The following PDE7A variants were observed in gnomAD, a reference collection of about 807,000 sequenced individuals.
PDE7A encodes the protein phosphodiesterase 7A.
In PDE7A, 39 loss-of-function variants were observed where a neutral mutation model predicts 64.3. The observed-to-expected ratio is 0.61, with a 90% CI of 0.47 to 0.79. The LOEUF is 0.79. Ranked by LOEUF, PDE7A falls within the 30% of genes least tolerant of loss-of-function variation. The pLI, the probability that PDE7A is intolerant of heterozygous loss-of-function variation, is 0.00. For synonymous variants in PDE7A, 203 were observed against 206.8 expected, an observed-to-expected ratio of 0.98 and a Z score of 0.16; for missense variants, 470 against 582.8, an observed-to-expected ratio of 0.81 and a Z score of 1.99.
chr8:65,775,604 C>T (rs572761213), intron 3 of PDE7A, among the ~76,000 whole-genome samples: 20 of 152,282 alleles, frequency 1.3e-4, no homozygotes, highest in Non-Finnish European at 2.4e-4. Context: ...AGTGATCCTA[C>T]GTCCTCTGTC....
chr8:65,741,364 TATA>T (rs1214956532), intron 5 of PDE7A, among the ~76,000 whole-genome samples: 1 of 152,178 alleles, frequency 6.6e-6, no homozygotes, highest in Non-Finnish European at 1.5e-5. Context: ...ATTGAAAATT[TATA>T]ATAATAATAT....
intron 5 of PDE7A, among the ~76,000 whole-genome samples, chr8:65,740,144 G>A (rs1807344317): frequency 7.2e-6 from 1 of 138,580 alleles, no homozygotes; most frequent in South Asian, 2.7e-4. Flanking sequence ...TTCCAGAGTA[G>A]CTGCAGAAAA....
chr8:65,765,279 G>A (rs1808712265), intron 3 of PDE7A, among the ~76,000 whole-genome samples: 1 of 151,576 alleles, frequency 6.6e-6, no homozygotes, highest in Non-Finnish European at 1.5e-5. Flanking sequence ...CACGAGGTCA[G>A]GAGATCGAGA....
In PDE7A at chr8:65,814,802, C is replaced by G. The variant is rs147114302; in HGVS notation, c.138+26569G>C. Among the ~76,000 whole-genome samples, 892 of 152,162 alleles carry G rather than the reference C, an allele frequency of 5.9e-3. 9 individuals carry two copies. Among genetic ancestry groups the G allele is most frequent in the African/African-American group, 0.02 (843 of 41,530 alleles). On this transcript the variant is annotated intron_variant, in intron 1 of 12. Coordinates refer to ENST00000401827, the MANE Select transcript of PDE7A (RefSeq NM_001242318.3). ...GACAGATCACCTGAGGTCAGGAGATCGAGACCAGCCTGACCAACATGTAAT... is the reference window on the plus strand; with the variant it reads ...GACAGATCACCTGAGGTCAGGAGATGGAGACCAGCCTGACCAACATGTAAT...
chr8:65,735,110 T>C (rs76161786), intron 6 of PDE7A, among the ~76,000 whole-genome samples: 150 of 152,254 alleles, frequency 9.9e-4, no homozygotes, highest in African/African-American at 3.4e-3. Context: ...ACGAACAGAC[T>C]AGGCTTCGGG....
chr8:65,841,391 T>TG lies in PDE7A; in HGVS notation c.117dup (p.Asn40GlnfsTer15). 1 of 1,559,696 alleles carries TG rather than the reference T, an allele frequency of 6.4e-7. No homozygotes were observed. The highest frequency in any genetic ancestry group is 8.6e-7 in the Non-Finnish European group (1 of 1,157,670). ...ATTACCTGAGAGAGCTGCCGGGGAT[T>TG]GGGGCAGCCGAAGAGAGCGGAGCTG... is the stretch of plus-strand genomic sequence containing the variant. On this transcript the variant is annotated frameshift_variant, in exon 1 of 13. Transcript: ENST00000401827. LOFTEE classifies it high-confidence loss of function.
chr8:65,830,397 C>A (rs1810787884), intron 1 of PDE7A, among the ~76,000 whole-genome samples: 1 of 151,950 alleles, frequency 6.6e-6, no homozygotes, highest in Non-Finnish European at 1.5e-5. Context: ...ATGCATACAA[C>A]CTAGAAGAAT....
At chr8:65,798,752 G>A (rs192697861) in intron 1 of PDE7A, among the ~76,000 whole-genome samples, 8 of 152,164 alleles carry the variant, frequency 5.3e-5, no homozygotes, top group Non-Finnish European at 8.8e-5. Context: ...CAATTAGAAC[G>A]CTCATGCTAA....
intron 1 of PDE7A, among the ~76,000 whole-genome samples, chr8:65,840,537 A>G (rs1330863237): frequency 4.6e-5 from 7 of 152,256 alleles, no homozygotes; most frequent in African/African-American, 1.7e-4. Context: ...ATCATTAGCC[A>G]TAACTTCTGG....
intron 3 of PDE7A, among the ~76,000 whole-genome samples, chr8:65,777,080 T>C (rs1809281428): frequency 6.9e-6 from 1 of 144,930 alleles, no homozygotes. Flanking sequence ...TCAAATGCTT[T>C]TTTTTTTTTT....
intron 7 of PDE7A, among the ~76,000 whole-genome samples, chr8:65,730,575 T>A (rs1806840039): frequency 6.6e-6 from 1 of 152,120 alleles, no homozygotes; most frequent in African/African-American, 2.4e-5. Context: ...AATATTGTCT[T>A]CCGTGAAACT....
At chr8:65,827,814 T>C (rs1417298694) in intron 1 of PDE7A, among the ~76,000 whole-genome samples, 1 of 152,186 alleles carries the variant, frequency 6.6e-6, no homozygotes, top group African/African-American at 2.4e-5. Flanking sequence ...TCTAGATTTG[T>C]GTAAATATGA....
chr8:65,752,196 G>A (rs546775639), intron 3 of PDE7A, among the ~76,000 whole-genome samples: 1 of 152,100 alleles, frequency 6.6e-6, no homozygotes, highest in Non-Finnish European at 1.5e-5. Context: ...TTAGTTACCA[G>A]AGCATATTTT....
chr8:65,788,909 C>A, intron 1 of PDE7A: 2 of 1,612,872 alleles, frequency 1.2e-6, no homozygotes, highest in Non-Finnish European at 1.7e-6. Context: ...TGATAAGAAC[C>A]AAGGCCAGAC....
chr8:65,750,504 CTGTG>C (rs1043866998), intron 3 of PDE7A, among the ~76,000 whole-genome samples: 2 of 143,050 alleles, frequency 1.4e-5, no homozygotes, highest in East Asian at 4.0e-4. Context: ...GTGTGTGTGT[CTGTG>C]TGTGTCTGTG....
rs1215499758 is a variant in PDE7A, at chr8:65,715,801, T to C, written c.*3489A>G. Among the ~76,000 whole-genome samples the C allele has an allele frequency of 6.7e-6, 1 of 149,206 alleles. No homozygotes were observed. Among genetic ancestry groups the C allele is most frequent in the African/African-American group, 2.4e-5 (1 of 40,884 alleles). On this transcript the variant is annotated 3_prime_UTR_variant, in exon 13 of 13. Coordinates refer to ENST00000401827, the MANE Select transcript of PDE7A (RefSeq NM_001242318.3). ...GAGATTGAGACCATCCTGGCTAACA[T>C]GGTGAAACCCTAACTCTACTAATAA...
intron 1 of PDE7A, among the ~76,000 whole-genome samples, chr8:65,819,005 C>T (rs1481341254): frequency 6.6e-6 from 1 of 152,208 alleles, no homozygotes; most frequent in East Asian, 1.9e-4. Context: ...CACTGACTCC[C>T]ACTGTTCTCA....
At position 65,766,705 on chromosome 8, in the gene PDE7A, C is replaced by T. The variant is rs933057234; in HGVS notation, c.283+13015G>A. Among the ~76,000 whole-genome samples the T allele has an allele frequency of 2.6e-5, 4 of 152,194 alleles. No homozygotes were observed. In the East Asian group the frequency reaches 7.7e-4, roughly 29 times the overall value. On this transcript the variant is annotated intron_variant, in intron 3 of 12. Transcript: ENST00000401827. ...TTTTCCTCCCAATTTGTTGGGGCTA[C>T]CCATTGCTCATTGTTATTAAGTGCC...
At chr8:65,759,263 G>T (rs1808380674) in intron 3 of PDE7A, among the ~76,000 whole-genome samples, 1 of 152,172 alleles carries the variant, frequency 6.6e-6, no homozygotes, top group African/African-American at 2.4e-5. Context: ...TCCAAAATGG[G>T]GGTGAGGGGC....
Sources: gnomAD v4.1 joint callset for allele counts (sites outside exome capture counted in the v4.1 genomes callset) on GRCh38, gnomAD v4.1.1 for gene constraint, MANE v1.5 for transcripts, NCBI Gene and HGNC (gene_info 2026-07-23, HGNC 2026-07-21) for gene names.